Variants in ZFPM1 observed in about 807,000 individuals in gnomAD.
ZFPM1 encodes zinc finger protein ZFPM1.
In ZFPM1, 28 loss-of-function variants were observed where a neutral mutation model predicts 46.3. That is an observed-to-expected ratio of 0.60 (90% CI 0.45 to 0.83). The LOEUF (loss-of-function observed/expected upper bound fraction) is 0.83. Ranked by LOEUF, ZFPM1 falls within the 40% of genes least tolerant of loss-of-function variation. The pLI, the probability that ZFPM1 is intolerant of heterozygous loss-of-function variation, is 0.00. For synonymous variants in ZFPM1, 957 were observed against 675.9 expected (o/e 1.42, Z -6.45); for missense variants, 1,878 against 1,432.4 (o/e 1.31, Z -5.02).
At chr16:88,500,114 G>C (rs1275471772) in intron 3 of ZFPM1, among the ~76,000 whole-genome samples, 2 of 152,112 alleles carry the variant, frequency 1.3e-5, no homozygotes, top group Non-Finnish European at 2.9e-5. Context: ...CTCCCACCCG[G>C]CTTCCTGCCC....
intron 3 of ZFPM1, among the ~76,000 whole-genome samples, chr16:88,489,634 C>T (rs1404888127): frequency 6.6e-6 from 1 of 152,196 alleles, no homozygotes; most frequent in Non-Finnish European, 1.5e-5. Context: ...CCTATGGGGA[C>T]GGAGTCCCAT....
intron 3 of ZFPM1, chr16:88,513,440 G>C (rs1384892437): frequency 6.6e-6 from 1 of 152,342 alleles, no homozygotes; most frequent in Non-Finnish European, 1.5e-5. Flanking sequence ...CGGGGCTCCA[G>C]GAAGTGGGGC....
At chr16:88,507,402 T>C (rs1398131678) in intron 3 of ZFPM1, among the ~76,000 whole-genome samples, 2 of 152,316 alleles carry the variant, frequency 1.3e-5, no homozygotes, top group East Asian at 3.9e-4. Flanking sequence ...GAGTCAAGCC[T>C]GGGTCCCTTT....
intron 3 of ZFPM1, among the ~76,000 whole-genome samples, chr16:88,491,518 C>T (rs1454431665): frequency 6.6e-6 from 1 of 152,166 alleles, no homozygotes; most frequent in Admixed American, 6.5e-5. Flanking sequence ...TGGGTTTAGG[C>T]CTGGAGTTCA....
intron 4 of ZFPM1, chr16:88,516,637 C>T: frequency 2.5e-6 from 1 of 398,674 alleles, no homozygotes. Context: ...ATATGCACGC[C>T]TTTCCGATAC....
At chr16:88,505,941 C>A (rs920102446) in intron 3 of ZFPM1, among the ~76,000 whole-genome samples, 1 of 152,226 alleles carries the variant, frequency 6.6e-6, no homozygotes, top group Non-Finnish European at 1.5e-5. Context: ...CCCAGCCCCC[C>A]ACAGCCATCC....
At chr16:88,482,520 G>A (rs912344901) in intron 1 of ZFPM1, among the ~76,000 whole-genome samples, 3 of 152,158 alleles carry the variant, frequency 2.0e-5, no homozygotes, top group Non-Finnish European at 2.9e-5. Context: ...GTGTAAATAG[G>A]AGAACCCATC....
chr16:88,529,136 C>G (rs1044431579), intron 6 of ZFPM1, among the ~76,000 whole-genome samples: 18 of 152,152 alleles, frequency 1.2e-4, no homozygotes, highest in African/African-American at 4.1e-4. Flanking sequence ...AAAAATGAGC[C>G]GAGGGTGATG....
chr16:88,452,881 T>G (rs1265435653), upstream of ZFPM1, among the ~76,000 whole-genome samples: 1 of 152,054 alleles, frequency 6.6e-6, no homozygotes, highest in East Asian at 1.9e-4. Context: ...GGTCTCAGAC[T>G]CCCAGCGCGG....
At chr16:88,466,274 G>A (rs1325418292) in intron 1 of ZFPM1, among the ~76,000 whole-genome samples, 2 of 152,220 alleles carry the variant, frequency 1.3e-5, no homozygotes, top group Non-Finnish European at 2.9e-5. Context: ...CCCAGCCCCG[G>A]CAGTTCTGGC....
At chr16:88,512,362 G>A (rs72807414) in intron 3 of ZFPM1, among the ~76,000 whole-genome samples, 10,764 of 152,186 alleles carry the variant, frequency 0.071, 415 homozygotes, top group South Asian at 0.11. Flanking sequence ...CTGGAAAGGT[G>A]GGCACCAGCC....
chr16:88,480,486 G>A lies in ZFPM1; in HGVS notation c.41-5453G>A, dbSNP rs1057239061. Among the ~76,000 whole-genome samples, 2 of 152,204 alleles carry A rather than the reference G, an allele frequency of 1.3e-5. No homozygotes were observed. The highest frequency in any genetic ancestry group is 2.9e-5 in the Non-Finnish European group (2 of 68,024). ...GGAGCGGGGCCGTGTGGCTGCCAGT[G>A]GTCACCCGCCCCACCAGCTGCTCAC... On this transcript the variant is annotated intron_variant, in intron 1 of 9. Coordinates refer to ENST00000319555, the MANE Select transcript of ZFPM1 (RefSeq NM_153813.3). The surrounding 1 kb of genome is among the most constrained non-coding windows in gnomAD (Gnocchi z 4.9).
chr16:88,459,765 CCCCCTCCCCCTT>C (rs1907729801), intron 1 of ZFPM1, among the ~76,000 whole-genome samples: 1 of 61,790 alleles, frequency 1.6e-5, no homozygotes, highest in Non-Finnish European at 3.2e-5. Flanking sequence ...TCCTCCCTCT[CCCCCTCCCCCTT>C]CCCCTCCTCC....
chr16:88,501,781 G>T (rs543633386), intron 3 of ZFPM1, among the ~76,000 whole-genome samples: 42 of 146,764 alleles, frequency 2.9e-4, no homozygotes, highest in African/African-American at 1.0e-3. Flanking sequence ...GAGATAGCGG[G>T]CATGGGTGCA....
rs1908425925 is a variant in ZFPM1 at position 88,471,618 on chromosome 16, C to T, written c.41-14321C>T. 6.6e-6 allele frequency among the ~76,000 whole-genome samples: 1 copy of T among 152,220 alleles called. No homozygotes were observed. The highest frequency in any genetic ancestry group is 1.5e-5 in the Non-Finnish European group (1 of 68,038). On this transcript the variant is annotated intron_variant, in intron 1 of 9. Coordinates refer to ENST00000319555, the MANE Select transcript of ZFPM1 (RefSeq NM_153813.3). This position sits in a 1 kb window ranked among gnomAD's most constrained non-coding sequence, Gnocchi z 4.1. ...CGAGATGATCGTGGCTGTAGCGGCT[C>T]CCACTCACAGAGGTGGGGTCAGGGC...
At chr16:88,512,240 A>G (rs1438873584) in intron 3 of ZFPM1, among the ~76,000 whole-genome samples, 1 of 152,124 alleles carries the variant, frequency 6.6e-6, no homozygotes, top group African/African-American at 2.4e-5. Flanking sequence ...CCACTTCCCC[A>G]TGAGGGCAGG....
intron 1 of ZFPM1, among the ~76,000 whole-genome samples, chr16:88,458,098 G>A (rs2142335945): frequency 6.6e-6 from 1 of 152,372 alleles, no homozygotes; most frequent in East Asian, 1.9e-4. Flanking sequence ...GAAGCACAGA[G>A]AAGTTTCTCG....
intron 1 of ZFPM1, among the ~76,000 whole-genome samples, chr16:88,455,266 G>A (rs932525720): frequency 1.3e-5 from 2 of 152,146 alleles, no homozygotes; most frequent in Admixed American, 1.3e-4. Context: ...GCCAGCGCCA[G>A]CGAGAGCCCG....
chr16:88,496,786 G>A (rs1022453704), intron 3 of ZFPM1, among the ~76,000 whole-genome samples: 1 of 152,184 alleles, frequency 6.6e-6, no homozygotes, highest in South Asian at 2.1e-4. Context: ...GGCGTTTCCT[G>A]TGAGGGGGGC....
Sources: gnomAD v4.1 joint callset for allele counts (sites outside exome capture counted in the v4.1 genomes callset) on GRCh38, gnomAD v4.1.1 for gene constraint, Gnocchi (gnomAD v3.1) non-coding constraint, MANE v1.5 for transcripts, NCBI Gene and HGNC (gene_info 2026-07-23, HGNC 2026-07-21) for gene names.